KRT84: variants seen among roughly 807,000 people sequenced by gnomAD.
The protein encoded by KRT84 is keratin, type II cuticular Hb4.
KRT84 carries 38 observed loss-of-function variants against 49.0 expected under a neutral mutation model. The ratio of observed to expected loss-of-function variants is 0.78; its 90% confidence interval spans 0.60 to 1.02. The LOEUF is 1.02. Ranked by LOEUF, KRT84 falls within the 50% of genes least tolerant of loss-of-function variation. KRT84 has a pLI of 0.00. For missense variants in KRT84, 860 were observed against 788.6 expected (o/e 1.09, Z -1.08); for synonymous variants, 334 against 312.8 (o/e 1.07, Z -0.72).
rs1335568525 is a variant in KRT84, at chr12:52,381,341, C to T, written c.1077+20G>A. 3 of 1,614,056 alleles carry T rather than the reference C, an allele frequency of 1.9e-6. No individual in the cohort carries two copies. Among genetic ancestry groups the T allele is most frequent in the Non-Finnish European group, 2.5e-6 (3 of 1,179,960 alleles). ...ATTCCCAGAGCTGCCTACATCCCTT[C>T]CCCAGCCTCCACTGCCCACCTTGGT... On this transcript the variant is annotated intron_variant, in intron 5 of 8. Transcript: ENST00000257951.
intron 2 of KRT84, 129 bp from the exon 3 acceptor site, chr12:52,383,194 C>T: frequency 1.4e-6 from 1 of 739,810 alleles, no homozygotes; most frequent in South Asian, 1.6e-5. Flanking sequence ...TATCTGAATG[C>T]TATAACATCA....
At chr12:52,382,681 T>TTC (rs1344900837) in intron 3 of KRT84, 149 bp from the exon 4 acceptor site, 2 of 653,440 alleles carry the variant, frequency 3.1e-6, no homozygotes. Context: ...TTTTGCTCAT[T>TTC]TCCCTATTAC....
upstream of KRT84, among the ~76,000 whole-genome samples, chr12:52,386,397 T>A (rs966570094): frequency 1.3e-5 from 2 of 150,702 alleles, no homozygotes; most frequent in African/African-American, 4.9e-5. Context: ...TCTTAAATTT[T>A]TTTTTTTTTT....
In KRT84 at chr12:52,385,381, C is replaced by T. The variant is rs751844766; in HGVS notation, c.205G>A (p.Gly69Ser). The T allele has an allele frequency of 1.2e-6, 2 of 1,614,254 alleles. No individual in the cohort carries two copies. The highest frequency in any genetic ancestry group is 1.6e-4 in the Middle Eastern group (1 of 6,062). Residue 69 changes from glycine (G) to serine (S), a missense_variant, in exon 1 of 9, where the codon GGC becomes AGC. Physicochemically the swap from Gly to Ser is moderately conservative, Grantham distance 56. Transcript: ENST00000257951. ...GSYSPRIAAV[G>S]SRPIHCGVRF... is the part of the protein sequence containing the mutation. ...ACTCCACAGTGGATGGGCCGAGAGCCTACAGCTGCTATCCGGGGTGAGTAC... is the reference window on the plus strand; with the variant it reads ...ACTCCACAGTGGATGGGCCGAGAGCTTACAGCTGCTATCCGGGGTGAGTAC...
rs761935987 is a variant in KRT84, at chr12:52,378,255, C to G, written c.1582G>C (p.Ala528Pro). The G allele has an allele frequency of 1.3e-6, 2 of 1,558,352 alleles. No individual in the cohort carries two copies. The highest frequency in any genetic ancestry group is 1.7e-6 in the Non-Finnish European group (2 of 1,152,816). ...CCACCCAGGCTGGGGCCACAGGAAGCCAGGACCCCACTGGTGGCACAGACG... is the reference window on the plus strand; with the variant it reads ...CCACCCAGGCTGGGGCCACAGGAAGGCAGGACCCCACTGGTGGCACAGACG... Reference protein sequence around the residue: ...SSVCATSGVLASCGPSLGGAR... With the variant: ...SSVCATSGVLPSCGPSLGGAR... Residue 528 changes from alanine (A) to proline (P), a missense_variant, in exon 9 of 9, where the codon GCT becomes CCT. Physicochemically the swap from Ala to Pro is conservative, Grantham distance 27. Coordinates refer to ENST00000257951, the MANE Select transcript of KRT84 (RefSeq NM_033045.4).
chr12:52,383,449 A>AG, intron 2 of KRT84, 141 bp downstream of exon 2: 2 of 585,494 alleles, frequency 3.4e-6, no homozygotes, highest in East Asian at 3.3e-5. Flanking sequence ...ACATATCTCT[A>AG]CCCACCCCCA....
At chr12:52,383,438 C>T (rs1939518511) in intron 2 of KRT84, 152 bp downstream of exon 2, 1 of 658,696 alleles carries the variant, frequency 1.5e-6, no homozygotes. Context: ...CTTCTCTGTT[C>T]ACATATCTCT....
chr12:52,383,727 G>C lies in KRT84; in HGVS notation c.618C>G (p.Ile206Met), dbSNP rs368620665. ...KWSFLQEQKCIRSNLEPLFES... is the reference protein window; with the variant it reads ...KWSFLQEQKCMRSNLEPLFES... Reference sequence around the variant, plus strand: ...CGAAGAGTGGCTCCAGATTGCTCCTGATACATTTCTGCTCTTGGAGGAAGC... The same window carrying C: ...CGAAGAGTGGCTCCAGATTGCTCCTCATACATTTCTGCTCTTGGAGGAAGC... Residue 206 changes from isoleucine to methionine, a missense_variant, in exon 2 of 9, where the codon ATC (isoleucine) becomes ATG (methionine). By Grantham distance (10) the Ile-to-Met change is conservative. Transcript: ENST00000257951. 2 of 1,613,998 alleles carry C rather than the reference G, an allele frequency of 1.2e-6. No individual in the cohort carries two copies. Among genetic ancestry groups the C allele is most frequent in the African/African-American group, 2.7e-5 (2 of 74,892 alleles).
intron 6 of KRT84, 32 bp downstream of exon 6, chr12:52,381,048 A>T (rs1451477603): frequency 6.2e-7 from 1 of 1,609,824 alleles, no homozygotes; most frequent in African/African-American, 1.3e-5. Flanking sequence ...GTTCTCCCTC[A>T]TCTGAGGCTT....
intron 3 of KRT84, 66 bp downstream of exon 3, chr12:52,382,939 T>TG: frequency 7.2e-7 from 1 of 1,393,434 alleles, no homozygotes; most frequent in Non-Finnish European, 1.0e-6. Context: ...AGCAGTTTCC[T>TG]GGGGAGTCTT....
rs758334149 is a variant in KRT84 at position 52,383,747 on chromosome 12, G to T, written c.598C>A (p.Leu200Ile). 4.3e-6 allele frequency: 7 copies of T among 1,613,970 alleles called. No individual in the cohort carries two copies. The Admixed American group carries it at 5.0e-5, about 12-fold the overall frequency. The change falls in exon 2 of 9, where the codon CTC becomes ATC. Residue 200 changes from leucine (L) to isoleucine (I), a missense_variant. By Grantham distance (5) the Leu-to-Ile change is conservative. Coordinates refer to ENST00000257951, the MANE Select transcript of KRT84 (RefSeq NM_033045.4). ...NKLLETKWSF[L>I]QEQKCIRSNL... Reference sequence around the variant, plus strand: ...CTCCTGATACATTTCTGCTCTTGGAGGAAGCTCCACTTGGTCTCTAGGAGC... The same window carrying T: ...CTCCTGATACATTTCTGCTCTTGGATGAAGCTCCACTTGGTCTCTAGGAGC...
At chr12:52,382,573 A>G in intron 3 of KRT84, 41 bp from the exon 4 acceptor site, 3 of 1,508,640 alleles carry the variant, frequency 2.0e-6, no homozygotes, top group Non-Finnish European at 2.8e-6. Flanking sequence ...TCGCCTGGGC[A>G]CTGTTTCACC....
Position 52,378,214 on chromosome 12 carries a change from C to T in KRT84, c.1623G>A (p.Pro541=), listed in dbSNP as rs371469129. 46 of 1,568,704 alleles carry T rather than the reference C, an allele frequency of 2.9e-5. No homozygotes were observed. The highest frequency in any genetic ancestry group is 1.5e-4 in the African/African-American group (11 of 74,056). Residue 541 remains proline, a synonymous_variant, in exon 9 of 9, where the codon CCG becomes CCA. Transcript: ENST00000257951. ...CAGTGCTCAGCAGGTCCCCAGTGGC[C>T]GGGGCGACCCGGGCTCCACCCAGGC... The part of the protein sequence containing the change: ...GPSLGGARVA[P]ATGDLLSTGT...
chr12:52,380,598 G>C lies in KRT84; in HGVS notation c.1204-15C>G, dbSNP rs148603701. ...AACTTGGCACGCTGCAGGGAAGGCA[G>C]TTTGCAGGTAGGCTTCGGCAGTGCC... On this transcript the variant is annotated splice_polypyrimidine_tract_variant and intron_variant, in intron 6 of 8. Transcript: ENST00000257951. 5,736 of 1,595,478 alleles carry C rather than the reference G, an allele frequency of 3.6e-3. 19 individuals are homozygous for C. The highest frequency in any genetic ancestry group is 0.013 in the African/African-American group (967 of 74,750).
Position 52,381,486 on chromosome 12 carries a change from C to G in KRT84, c.952G>C (p.Val318Leu). 6.2e-7 allele frequency: 1 copy of G among 1,614,146 alleles called. No homozygotes were observed. Among genetic ancestry groups the G allele is most frequent in the Non-Finnish European group, 8.5e-7 (1 of 1,180,044 alleles). ...CGGCTGTTGTCCATCTTCACAATGA[C>G]CGACGTCTCTGAGATGTGCGACTGC... The part of the protein sequence containing the change: ...LLQSHISETS[V>L]IVKMDNSRDL... The change falls in exon 5 of 9, where the codon GTC becomes CTC. Residue 318 changes from valine (V) to leucine (L), a missense_variant. Coordinates refer to ENST00000257951, the MANE Select transcript of KRT84 (RefSeq NM_033045.4).
At chr12:52,384,122 A>G (rs566452492) in intron 1 of KRT84, among the ~76,000 whole-genome samples, 1 of 152,362 alleles carries the variant, frequency 6.6e-6, no homozygotes, top group South Asian at 2.1e-4. Context: ...TGGTTTGCCT[A>G]TATCTGAAAA....
At chr12:52,380,267 T>A in intron 7 of KRT84, 96 bp downstream of exon 7, 1 of 1,404,158 alleles carries the variant, frequency 7.1e-7, no homozygotes, top group Non-Finnish European at 9.8e-7. Flanking sequence ...TTAAAGACTA[T>A]GTATTTCTGC....
intron 4 of KRT84, 122 bp from the exon 5 acceptor site, chr12:52,381,647 A>G (rs2271084): frequency 0.087 from 81,132 of 929,562 alleles, 8,724 homozygotes; most frequent in East Asian, 0.53. Flanking sequence ...GTTCATAAAA[A>G]AGCAAGACCA....
rs536732549 is a variant in KRT84 at position 52,383,175 on chromosome 12, C to G, written c.756-110G>C. On this transcript the variant is annotated intron_variant, in intron 2 of 8. Transcript: ENST00000257951. ...TCTCAGTCTGTGCAGGATCATGGTT[C>G]CCTATTGCTATCTGAATGCTATAAC... 4.6e-6 allele frequency: 4 copies of G among 864,100 alleles called. No individual in the cohort carries two copies. The South Asian group carries it at 5.7e-5, about 12-fold the overall frequency. The allele number at this position is 864,100 out of a possible 1,614,324, so 53.5% of individuals were successfully genotyped here.
Sources: gnomAD v4.1 joint callset for allele counts (sites outside exome capture counted in the v4.1 genomes callset) on GRCh38, gnomAD v4.1.1 for gene constraint, MANE v1.5 for transcripts, NCBI Gene and HGNC (gene_info 2026-07-23, HGNC 2026-07-21) for gene names.